The following ERN1 variants were observed in gnomAD, a reference collection of about 807,000 sequenced individuals.
The protein encoded by ERN1 is serine/threonine-protein kinase/endoribonuclease IRE1.
Under a neutral mutation model 113.1 loss-of-function variants are expected in ERN1, and 39 were observed. That is an observed-to-expected ratio of 0.34 (90% CI 0.27 to 0.45). ERN1 has a LOEUF of 0.45. Among genes scored for constraint, ERN1 ranks in the 20% least tolerant of loss-of-function variants. ERN1 has a pLI of 1.00. For synonymous variants in ERN1, 507 were observed against 515.9 expected, an observed-to-expected ratio of 0.98 and a Z score of 0.23; for missense variants, 976 against 1,274.8, an observed-to-expected ratio of 0.77 and a Z score of 3.57.
chr17:64,127,619 T>G lies in ERN1; in HGVS notation c.54+2357A>C, dbSNP rs147334040. ...AAATACAAAAATTAGCCGGGTGTAG[T>G]GGTGGGCTCCTGTAATCCCAGCTAC... On this transcript the variant is annotated intron_variant, in intron 1 of 21. Coordinates refer to ENST00000433197, the MANE Select transcript of ERN1 (RefSeq NM_001433.5). Among the ~76,000 whole-genome samples, 1,051 of 152,028 alleles carry G rather than the reference T, an allele frequency of 6.9e-3. 9 individuals are homozygous for G. The highest frequency in any genetic ancestry group is 0.024 in the African/African-American group (1,010 of 41,464).
At chr17:64,048,024 C>T (rs1912566692) in intron 18 of ERN1, 39 bp from the exon 19 acceptor site, 1 of 1,566,634 alleles carries the variant, frequency 6.4e-7, no homozygotes, top group Admixed American at 1.8e-5. Context: ...GACTACCAGT[C>T]CAAAGCCACA....
intron 6 of ERN1, among the ~76,000 whole-genome samples, chr17:64,071,391 G>A (rs767120603): frequency 3.3e-5 from 5 of 152,130 alleles, no homozygotes; most frequent in Non-Finnish European, 7.3e-5. Flanking sequence ...TCTGGGAGCT[G>A]CAGGTAGTTC....
At position 64,105,011 on chromosome 17, in the gene ERN1, TACAC is replaced by T. The variant is rs58443262; in HGVS notation, c.55-6774_55-6771del. The stretch of plus-strand genomic sequence containing the variant: ...TTATCCCTGCAAAAAAAAAGGCGTG[TACAC>T]ACACACACACACAGAAAACCTACGA... On this transcript the variant is annotated intron_variant, in intron 1 of 21. Transcript: ENST00000433197. Among the ~76,000 whole-genome samples the T allele has an allele frequency of 2.1e-4, 31 of 150,792 alleles. No homozygotes were observed. In the East Asian group the frequency reaches 4.9e-3, roughly 24 times the overall value.
intron 2 of ERN1, among the ~76,000 whole-genome samples, chr17:64,095,414 G>C (rs1914203256): frequency 6.6e-6 from 1 of 152,102 alleles, no homozygotes; most frequent in South Asian, 2.1e-4. Flanking sequence ...GGGCAACAGA[G>C]GGAAACTCTG....
Position 64,102,950 on chromosome 17 carries a change from G to C in ERN1, c.55-4709C>G, listed in dbSNP as rs1310529729. On this transcript the variant is annotated intron_variant, in intron 1 of 21. Transcript: ENST00000433197. ...TCCTGGCTTTGATGGTGACTTGTAG[G>C]AAGTAACCAACAGTAACTGTGGAGG... is the stretch of plus-strand genomic sequence containing the variant. 3 of 985,212 alleles carry C rather than the reference G, an allele frequency of 3.0e-6. No individual in the cohort carries two copies. In the African/African-American group the frequency reaches 5.2e-5, roughly 17 times the overall value. 61.0% of individuals were successfully genotyped at this position (985,212 alleles called of 1,614,324 possible). A position where few individuals can be genotyped will look rare whatever the true frequency, so the allele number is the denominator to read the frequency against.
At position 64,044,327 on chromosome 17, in the gene ERN1, G is replaced by GA. The variant is rs1912442358; in HGVS notation, c.2722-128dup. 1 of 657,944 alleles carries GA rather than the reference G, an allele frequency of 1.5e-6. No individual in the cohort carries two copies. The highest frequency in any genetic ancestry group is 3.5e-5 in the Admixed American group (1 of 28,186). The allele number at this position is 657,944 out of a possible 1,614,324, so 40.8% of individuals were successfully genotyped here. A position where few individuals can be genotyped will look rare whatever the true frequency, so the allele number is the denominator to read the frequency against. On this transcript the variant is annotated intron_variant, in intron 21 of 21. Transcript: ENST00000433197. This position sits in a 1 kb window ranked among gnomAD's most constrained non-coding sequence, Gnocchi z 4.1. ...AGTGTTGGTTTTTGGTAAAGAAAAA[G>GA]AAAAAAGGCTTATGTATCCAAGAAT...
intron 2 of ERN1, among the ~76,000 whole-genome samples, chr17:64,093,200 C>T (rs1054133896): frequency 9.9e-5 from 15 of 152,202 alleles, no homozygotes; most frequent in South Asian, 6.2e-4. Flanking sequence ...AGTAAACAGC[C>T]GAATGGAGTT....
rs9909623 is a variant in ERN1 at position 64,043,243 on chromosome 17, C to T, written c.*745G>A. ...TCCTGAGCACCACCCCGAGATGGCC[C>T]GGGACACACCCACCAAAGGCCACTG... On this transcript the variant is annotated 3_prime_UTR_variant, in exon 22 of 22. Transcript: ENST00000433197. 0.039 allele frequency: 5,891 copies of T among 152,864 alleles called. 384 individuals are homozygous for T. The highest frequency in any genetic ancestry group is 0.13 in the African/African-American group (5,515 of 41,550). 9.5% of individuals were successfully genotyped at this position (152,864 alleles called of 1,614,324 possible).
At chr17:64,103,098 G>A (rs1468914980) in intron 1 of ERN1, 10 of 272,322 alleles carry the variant, frequency 3.7e-5, no homozygotes, top group African/African-American at 1.6e-4. Context: ...GCAGTATAAG[G>A]GTCCTCACTG....
chr17:64,066,880 A>G lies in ERN1; in HGVS notation c.633T>C (p.Ser211=). ...GGATCCACAGGACGTCCCCAGATTC[A>G]CTGTCCACAGTCACCACCAGCCCAT... ...NGDGLVVTVD[S]ESGDVLWIQN... The change falls in exon 8 of 22, where the codon AGT becomes AGC. Residue 211 remains serine (S), a synonymous_variant. Coordinates refer to ENST00000433197, the MANE Select transcript of ERN1 (RefSeq NM_001433.5). 6.2e-7 allele frequency: 1 copy of G among 1,613,878 alleles called. No homozygotes were observed. The highest frequency in any genetic ancestry group is 8.5e-7 in the Non-Finnish European group (1 of 1,179,858).
intron 4 of ERN1, among the ~76,000 whole-genome samples, chr17:64,077,954 C>T (rs1017931584): frequency 6.6e-6 from 1 of 152,120 alleles, no homozygotes; most frequent in African/African-American, 2.4e-5. Flanking sequence ...ACCATGGTCT[C>T]GATCTCCTGA....
chr17:64,126,114 A>C (rs188914529), intron 1 of ERN1, among the ~76,000 whole-genome samples: 1 of 152,288 alleles, frequency 6.6e-6, no homozygotes, highest in Admixed American at 6.5e-5. Flanking sequence ...ATTTCCAACC[A>C]GTAGTTTATT....
rs187213937 is a variant in ERN1, at chr17:64,046,060, G to T, written c.2530-578C>A. Among the ~76,000 whole-genome samples the T allele has an allele frequency of 4.0e-4, 61 of 152,316 alleles. 1 individual carries two copies. Among genetic ancestry groups the T allele is most frequent in the Middle Eastern group, 3.4e-3 (1 of 294 alleles). On this transcript the variant is annotated intron_variant, in intron 19 of 21. Coordinates refer to ENST00000433197, the MANE Select transcript of ERN1 (RefSeq NM_001433.5). ...ATTTGACTTTGGTAATAAGGAGAGG[G>T]TCAGGAAGCACCCAAGTATGGCCTC...
chr17:64,082,818 C>T (rs376338638), intron 2 of ERN1, among the ~76,000 whole-genome samples: 3 of 151,492 alleles, frequency 2.0e-5, no homozygotes, highest in East Asian at 3.9e-4. Context: ...GGAAGATTCC[C>T]GGGACAACTA....
chr17:64,108,967 A>G (rs1056655512), intron 1 of ERN1, among the ~76,000 whole-genome samples: 2 of 152,148 alleles, frequency 1.3e-5, no homozygotes, highest in African/African-American at 4.8e-5. Context: ...TACTAAAAAC[A>G]CAAAAAATTA....
chr17:64,059,258 T>C (rs1912975928), intron 11 of ERN1, among the ~76,000 whole-genome samples: 1 of 152,242 alleles, frequency 6.6e-6, no homozygotes, highest in African/African-American at 2.4e-5. Context: ...TGCCCTGGAA[T>C]CTTGAAAGTC....
chr17:64,059,692 T>G (rs745841328), intron 11 of ERN1, among the ~76,000 whole-genome samples: 2 of 152,124 alleles, frequency 1.3e-5, no homozygotes, highest in Non-Finnish European at 2.9e-5. Flanking sequence ...ATTCCTCAAC[T>G]GATGCTTTCA....
At chr17:64,087,923 G>T (rs62073077) in intron 2 of ERN1, among the ~76,000 whole-genome samples, 1 of 152,108 alleles carries the variant, frequency 6.6e-6, no homozygotes, top group East Asian at 1.9e-4. Flanking sequence ...GGCAAAATTC[G>T]TGAGGGCCTG....
At chr17:64,057,066 G>C (rs912872369) in intron 12 of ERN1, among the ~76,000 whole-genome samples, 2 of 152,146 alleles carry the variant, frequency 1.3e-5, no homozygotes, top group Non-Finnish European at 2.9e-5. Context: ...GAAGTAAAGG[G>C]ATGGCCACAC....
Sources: gnomAD v4.1 joint callset for allele counts (sites outside exome capture counted in the v4.1 genomes callset) on GRCh38, gnomAD v4.1.1 for gene constraint, Gnocchi (gnomAD v3.1) non-coding constraint, MANE v1.5 for transcripts, NCBI Gene and HGNC (gene_info 2026-07-23, HGNC 2026-07-21) for gene names.